UNC5D: variants seen among roughly 807,000 people sequenced by gnomAD.
UNC5D encodes netrin receptor UNC5D.
UNC5D carries 39 observed loss-of-function variants against 105.4 expected under a neutral mutation model. The observed-to-expected ratio is 0.37, with a 90% confidence interval of 0.29 to 0.48. The LOEUF (loss-of-function observed/expected upper bound fraction) is 0.48, where lower values mean the gene tolerates loss of function less well. Among genes scored for constraint, UNC5D ranks in the 20% least tolerant of loss-of-function variants. UNC5D has a pLI of 0.98. For missense variants in UNC5D, 991 were observed against 1,202.4 expected, an observed-to-expected ratio of 0.82 and a Z score of 2.60; for synonymous variants, 452 against 450.4, an observed-to-expected ratio of 1.00 and a Z score of -0.04.
At chr8:35,404,063 C>A (rs931431395) in intron 1 of UNC5D, among the ~76,000 whole-genome samples, 1 of 152,198 alleles carries the variant, frequency 6.6e-6, no homozygotes, top group Non-Finnish European at 1.5e-5. Context: ...CCTTCTCTAG[C>A]AGCTACTCCC....
Position 35,450,712 on chromosome 8 carries a change from A to G in UNC5D, c.104-98580A>G, listed in dbSNP as rs143024573. Among the ~76,000 whole-genome samples, 28 of 152,282 alleles carry G rather than the reference A, an allele frequency of 1.8e-4. 1 individual carries two copies. The East Asian group carries it at 3.3e-3, about 18-fold the overall frequency. On this transcript the variant is annotated intron_variant, in intron 1 of 16. Coordinates refer to ENST00000404895, the MANE Select transcript of UNC5D (RefSeq NM_080872.4). ...CTGAATTACAATGGGACAACTTACA[A>G]TTTTTTAACTTCACAATGTTGTGAA...
At chr8:35,644,796 A>G (rs532874483) in intron 4 of UNC5D, among the ~76,000 whole-genome samples, 3 of 152,164 alleles carry the variant, frequency 2.0e-5, no homozygotes, top group Non-Finnish European at 4.4e-5. Flanking sequence ...TTTTTGCCCA[A>G]TTAGTAGAGA....
intron 1 of UNC5D, among the ~76,000 whole-genome samples, chr8:35,410,274 A>T (rs1398705696): frequency 6.6e-6 from 1 of 152,044 alleles, no homozygotes; most frequent in Admixed American, 6.6e-5. Context: ...CAGCTAGGGA[A>T]AACCTCAGAA....
chr8:35,545,155 T>A (rs1815556273), intron 1 of UNC5D, among the ~76,000 whole-genome samples: 1 of 152,214 alleles, frequency 6.6e-6, no homozygotes. Context: ...TGTGTTGAGA[T>A]TATGAATAAA....
chr8:35,428,146 G>A (rs1181258939), intron 1 of UNC5D, among the ~76,000 whole-genome samples: 1 of 151,950 alleles, frequency 6.6e-6, no homozygotes, highest in Non-Finnish European at 1.5e-5. Flanking sequence ...AAACAAATCT[G>A]ACACCCAAGG....
chr8:35,615,085 A>G (rs1820952570), intron 4 of UNC5D, among the ~76,000 whole-genome samples: 1 of 149,410 alleles, frequency 6.7e-6, no homozygotes, highest in South Asian at 2.2e-4. Context: ...AACTAAAAAA[A>G]TAAAATTAGC....
chr8:35,604,299 A>G (rs902045916), intron 4 of UNC5D, among the ~76,000 whole-genome samples: 6 of 152,118 alleles, frequency 3.9e-5, no homozygotes, highest in Non-Finnish European at 5.9e-5. Flanking sequence ...TCCTTCACTT[A>G]TGAAGCTTAG....
chr8:35,745,145 A>T (rs889292962), intron 11 of UNC5D, among the ~76,000 whole-genome samples: 4 of 152,174 alleles, frequency 2.6e-5, no homozygotes, highest in Admixed American at 6.6e-5. Flanking sequence ...GGTATGGTAC[A>T]CTAGAGGGCA....
chr8:35,688,949 T>A (rs947543694), intron 7 of UNC5D, among the ~76,000 whole-genome samples: 12 of 152,220 alleles, frequency 7.9e-5, no homozygotes, highest in Non-Finnish European at 1.0e-4. Context: ...TACATATACA[T>A]CTGGTCAATT....
At chr8:35,558,483 G>T (rs912057417) in intron 2 of UNC5D, among the ~76,000 whole-genome samples, 3 of 152,066 alleles carry the variant, frequency 2.0e-5, no homozygotes, top group African/African-American at 7.3e-5. Flanking sequence ...AAATATGAGG[G>T]AGTATCTCAT....
chr8:35,419,106 A>G (rs1585797979), intron 1 of UNC5D, among the ~76,000 whole-genome samples: 1 of 152,228 alleles, frequency 6.6e-6, no homozygotes, highest in Non-Finnish European at 1.5e-5. Flanking sequence ...AAGTATTACA[A>G]CAAACTGGCT....
At chr8:35,699,724 G>C (rs1827050010) in intron 7 of UNC5D, among the ~76,000 whole-genome samples, 1 of 152,094 alleles carries the variant, frequency 6.6e-6, no homozygotes, top group Non-Finnish European at 1.5e-5. Context: ...CTGGGAAGCT[G>C]GGGGGAGTAG....
rs751661170 is a variant in UNC5D at position 35,366,919 on chromosome 8, ATTC to A, written c.103+131037_103+131039del. On this transcript the variant is annotated intron_variant, in intron 1 of 16. Coordinates refer to ENST00000404895, the MANE Select transcript of UNC5D (RefSeq NM_080872.4). Reference sequence around the variant, plus strand: ...CTTAGCTCATGTCATAATAGAGATCATTCTTCTAGTGTAATCTTTTCTACAACT... The same window carrying A: ...CTTAGCTCATGTCATAATAGAGATCATTCTAGTGTAATCTTTTCTACAACT... Among the ~76,000 whole-genome samples, 12 of 152,334 alleles carry A rather than the reference ATTC, an allele frequency of 7.9e-5. No homozygotes were observed. In the South Asian group the frequency reaches 2.1e-3, roughly 26 times the overall value.
intron 5 of UNC5D, 44 bp downstream of exon 5, chr8:35,683,771 A>G (rs764328053): frequency 1.4e-6 from 2 of 1,434,400 alleles, no homozygotes; most frequent in South Asian, 1.7e-5. Flanking sequence ...GAGGGCAGAA[A>G]GAGGTAGAGG....
intron 1 of UNC5D, among the ~76,000 whole-genome samples, chr8:35,507,247 GGGT>G (rs1563483158): frequency 6.6e-6 from 1 of 151,472 alleles, no homozygotes; most frequent in East Asian, 1.9e-4. Flanking sequence ...AGTAGAGACG[GGGT>G]TTCACCGTTT....
At chr8:35,755,277 T>G (rs940603565) in intron 13 of UNC5D, among the ~76,000 whole-genome samples, 11 of 151,552 alleles carry the variant, frequency 7.3e-5, no homozygotes, top group Admixed American at 2.0e-4. Flanking sequence ...ACAACTAGGG[T>G]TTTTTTTGCC....
At chr8:35,504,200 C>T (rs2130274115) in intron 1 of UNC5D, among the ~76,000 whole-genome samples, 1 of 152,288 alleles carries the variant, frequency 6.6e-6, no homozygotes, top group East Asian at 1.9e-4. Context: ...TTAATTATGG[C>T]ACCAGCTGGA....
Position 35,788,241 on chromosome 8 carries a change from C to T in UNC5D, c.2658-2118C>T, listed in dbSNP as rs574438295. Reference sequence around the variant, plus strand: ...TCTGTGGCTCTTATAAATGGCAACGCGTCCTTAAAAGCTTGTCTGTAGTCT... The same window carrying T: ...TCTGTGGCTCTTATAAATGGCAACGTGTCCTTAAAAGCTTGTCTGTAGTCT... On this transcript the variant is annotated intron_variant, in intron 16 of 16. Transcript: ENST00000404895. Among the ~76,000 whole-genome samples, 5 of 152,022 alleles carry T rather than the reference C, an allele frequency of 3.3e-5. No individual in the cohort carries two copies. In the South Asian group the frequency reaches 6.2e-4, roughly 19 times the overall value.
intron 1 of UNC5D, among the ~76,000 whole-genome samples, chr8:35,361,778 G>A (rs989819025): frequency 6.6e-6 from 1 of 152,056 alleles, no homozygotes. Flanking sequence ...GCTTTAACTG[G>A]CCATCTGCTT....
Sources: gnomAD v4.1 joint callset for allele counts (sites outside exome capture counted in the v4.1 genomes callset) on GRCh38, gnomAD v4.1.1 for gene constraint, MANE v1.5 for transcripts, NCBI Gene and HGNC (gene_info 2026-07-23, HGNC 2026-07-21) for gene names.